NRG3: variants seen among roughly 807,000 people sequenced by gnomAD.
NRG3 encodes the protein pro-neuregulin-3, membrane-bound isoform.
In NRG3, 31 loss-of-function variants were observed where a neutral mutation model predicts 66.9. The ratio of observed to expected loss-of-function variants is 0.46; its 90% confidence interval spans 0.35 to 0.63. The LOEUF (loss-of-function observed/expected upper bound fraction) is 0.63, where lower values mean the gene tolerates loss of function less well. NRG3 is among the 20% of genes least tolerant of loss of function. The probability of loss-of-function intolerance (pLI) is 0.00; values close to 1 mark genes in which losing one functional copy is unlikely to be tolerated. For synonymous variants in NRG3, 393 were observed against 359.4 expected (o/e 1.09, Z -1.06); for missense variants, 910 against 878.9 (o/e 1.04, Z -0.45).
intron 3 of NRG3, among the ~76,000 whole-genome samples, chr10:82,857,202 C>A (rs939533948): frequency 6.6e-6 from 1 of 152,146 alleles, no homozygotes; most frequent in Non-Finnish European, 1.5e-5. Context: ...TGCTGTATAC[C>A]AATATGGGGG....
At chr10:82,074,929 G>C (rs1014658936) in intron 1 of NRG3, among the ~76,000 whole-genome samples, 24 of 152,268 alleles carry the variant, frequency 1.6e-4, no homozygotes, top group Middle Eastern at 3.4e-3. Flanking sequence ...TCTTTTGCCA[G>C]CAGTATATGA....
chr10:82,545,236 T>C (rs2043812684), intron 2 of NRG3, among the ~76,000 whole-genome samples: 1 of 152,130 alleles, frequency 6.6e-6, no homozygotes. Flanking sequence ...AATATAAACC[T>C]CTTTTAGTGT....
chr10:82,903,261 C>T (rs558780345), intron 4 of NRG3, among the ~76,000 whole-genome samples: 2 of 152,168 alleles, frequency 1.3e-5, no homozygotes, highest in South Asian at 2.1e-4. Context: ...AAATGTTGAG[C>T]GTGTTTGCTT....
At chr10:82,122,367 G>A (rs1312858735) in intron 1 of NRG3, among the ~76,000 whole-genome samples, 2 of 152,058 alleles carry the variant, frequency 1.3e-5, no homozygotes, top group African/African-American at 4.8e-5. Context: ...TGCTTTTCCT[G>A]CTTTTGCTTA....
intron 2 of NRG3, among the ~76,000 whole-genome samples, chr10:82,379,359 G>T (rs1481391174): frequency 6.6e-6 from 1 of 152,038 alleles, no homozygotes; most frequent in Non-Finnish European, 1.5e-5. Flanking sequence ...TAATGACAGA[G>T]GAGCAGCACT....
At chr10:82,207,325 G>A (rs1325860967) in intron 1 of NRG3, among the ~76,000 whole-genome samples, 1 of 152,136 alleles carries the variant, frequency 6.6e-6, no homozygotes, top group South Asian at 2.1e-4. Context: ...ATATTTATTT[G>A]CACTTAGTGT....
rs1055051954 is a variant in NRG3, at chr10:82,813,590, A to G, written c.1028-51821A>G. 3.3e-5 allele frequency among the ~76,000 whole-genome samples: 5 copies of G among 152,190 alleles called. No homozygotes were observed. In the East Asian group the frequency reaches 9.6e-4, roughly 29 times the overall value. On this transcript the variant is annotated intron_variant, in intron 3 of 8. Transcript: ENST00000372141. ...TTCCATATGAGACTTCCTCGAGAGC[A>G]TGGTAATCTTGAGAACAAAGATCTT...
chr10:82,643,520 C>A (rs971435170), intron 2 of NRG3, among the ~76,000 whole-genome samples: 10 of 151,902 alleles, frequency 6.6e-5, no homozygotes, highest in African/African-American at 2.2e-4. Flanking sequence ...CACATGATTG[C>A]CAAGGTTTCC....
chr10:82,018,945 T>A (rs1294839227), intron 1 of NRG3, among the ~76,000 whole-genome samples: 1 of 152,192 alleles, frequency 6.6e-6, no homozygotes, highest in Non-Finnish European at 1.5e-5. Flanking sequence ...CCTGTCTTAT[T>A]GCCCTGGCCA....
chr10:82,025,407 TG>T (rs61115220), intron 1 of NRG3, among the ~76,000 whole-genome samples: 4,021 of 151,886 alleles, frequency 0.026, 189 homozygotes, highest in African/African-American at 0.093. Flanking sequence ...TGTTCTACTT[TG>T]GAACATGAGT....
At chr10:82,254,375 C>G (rs756222245) in intron 1 of NRG3, among the ~76,000 whole-genome samples, 4 of 152,118 alleles carry the variant, frequency 2.6e-5, no homozygotes, top group African/African-American at 9.7e-5. Context: ...GCACAATACT[C>G]CTGAGAACTA....
intron 3 of NRG3, among the ~76,000 whole-genome samples, chr10:82,745,536 C>A (rs973188354): frequency 6.6e-6 from 1 of 152,130 alleles, no homozygotes; most frequent in South Asian, 2.1e-4. Flanking sequence ...AAATCTGTCA[C>A]TCTTATTACC....
chr10:82,222,593 A>G (rs998756880), intron 1 of NRG3, among the ~76,000 whole-genome samples: 15 of 149,804 alleles, frequency 1.0e-4, no homozygotes, highest in African/African-American at 3.4e-4. Context: ...AAAACCAATT[A>G]CTACCTTCAG....
chr10:82,432,841 A>G (rs1189142103), intron 2 of NRG3, among the ~76,000 whole-genome samples: 2 of 152,130 alleles, frequency 1.3e-5, no homozygotes, highest in Non-Finnish European at 2.9e-5. Flanking sequence ...TATATGTACA[A>G]CATTTCCTTA....
chr10:81,935,080 A>G (rs929899407), intron 1 of NRG3, among the ~76,000 whole-genome samples: 6 of 152,220 alleles, frequency 3.9e-5, no homozygotes, highest in Non-Finnish European at 8.8e-5. Context: ...AAGCTTTGGA[A>G]TTTGGTAAAG....
At chr10:82,128,332 A>C (rs1199860890) in intron 1 of NRG3, among the ~76,000 whole-genome samples, 2 of 151,942 alleles carry the variant, frequency 1.3e-5, no homozygotes, top group Admixed American at 6.6e-5. Flanking sequence ...TGTTTTAGAG[A>C]TCTCACCTTA....
chr10:82,378,658 C>A (rs1023251465), intron 2 of NRG3, among the ~76,000 whole-genome samples: 1 of 152,070 alleles, frequency 6.6e-6, no homozygotes, highest in Non-Finnish European at 1.5e-5. Flanking sequence ...GCAACCTCCA[C>A]CTCCTGGGTT....
At chr10:82,560,348 A>G (rs1435223824) in intron 2 of NRG3, among the ~76,000 whole-genome samples, 1 of 151,350 alleles carries the variant, frequency 6.6e-6, no homozygotes, top group African/African-American at 2.4e-5. Flanking sequence ...AGTTCAGGCT[A>G]TGTTTTATTT....
rs12764914 is a variant in NRG3, at chr10:81,938,394, T to G, written c.823+62231T>G. On this transcript the variant is annotated intron_variant, in intron 1 of 8. Transcript: ENST00000372141. ...GCCATTTATTTGTGTGTGTGTGTGT[T>G]TTTTTTTTTCCAGCAATGTCTTATA... is the stretch of plus-strand genomic sequence containing the variant. Among the ~76,000 whole-genome samples, 2,174 of 68,462 alleles carry G rather than the reference T, an allele frequency of 0.032. 119 individuals are homozygous for G. In the East Asian group the frequency reaches 0.5, roughly 16 times the overall value. 44.9% of individuals were successfully genotyped at this position (68,462 alleles called of 152,430 possible).
Sources: gnomAD v4.1 joint callset for allele counts (sites outside exome capture counted in the v4.1 genomes callset) on GRCh38, gnomAD v4.1.1 for gene constraint, MANE v1.5 for transcripts, NCBI Gene and HGNC (gene_info 2026-07-23, HGNC 2026-07-21) for gene names.